The following GSE1 variants were observed in gnomAD, a reference collection of about 807,000 sequenced individuals.
GSE1 encodes the protein Gse1 coiled-coil protein.
GSE1 carries 32 observed loss-of-function variants against 112.6 expected under a neutral mutation model. That is an observed-to-expected ratio of 0.28 (90% CI 0.21 to 0.38). The LOEUF (loss-of-function observed/expected upper bound fraction) is 0.38, where lower values mean the gene tolerates loss of function less well. Among genes scored for constraint, GSE1 ranks in the 10% least tolerant of loss-of-function variants. The probability of loss-of-function intolerance (pLI) is 1.00; values close to 1 mark genes in which losing one functional copy is unlikely to be tolerated. For synonymous variants in GSE1, 1,115 were observed against 735.6 expected (o/e 1.52, Z -8.35); for missense variants, 2,348 against 1,699.2 (o/e 1.38, Z -6.71).
intron 2 of GSE1, among the ~76,000 whole-genome samples, chr16:85,480,751 T>C (rs1362924131): frequency 6.6e-6 from 1 of 152,180 alleles, no homozygotes; most frequent in Non-Finnish European, 1.5e-5. Flanking sequence ...TGGCCAGCAC[T>C]GTCGGTCAGG....
At chr16:85,657,722 C>G (rs1167889034) in intron 8 of GSE1, 118 bp downstream of exon 8, 2 of 657,434 alleles carry the variant, frequency 3.0e-6, no homozygotes, top group South Asian at 2.3e-5. Flanking sequence ...CTGCCTCTTT[C>G]ATTTCTGTTC....
intron 2 of GSE1, among the ~76,000 whole-genome samples, chr16:85,529,172 C>T (rs543912540): frequency 2.6e-5 from 4 of 151,690 alleles, no homozygotes; most frequent in Non-Finnish European, 4.4e-5. Flanking sequence ...GGTGGTTAAT[C>T]GTGTGTGGGA....
chr16:85,634,763 CTG>C (rs758547536), intron 2 of GSE1, among the ~76,000 whole-genome samples: 1 of 152,194 alleles, frequency 6.6e-6, no homozygotes, highest in Non-Finnish European at 1.5e-5. Context: ...TTTTTCCTGT[CTG>C]TGCAGTGAGG....
chr16:85,177,773 C>G (rs116835292), intron 1 of GSE1, among the ~76,000 whole-genome samples: 248 of 152,232 alleles, frequency 1.6e-3, no homozygotes, highest in African/African-American at 5.2e-3. Flanking sequence ...GACCCCAAAA[C>G]GCCATGGGGT....
chr16:85,522,851 G>A (rs894400425), intron 2 of GSE1, among the ~76,000 whole-genome samples: 1 of 152,096 alleles, frequency 6.6e-6, no homozygotes, highest in African/African-American at 2.4e-5. Context: ...TTGTGTATGG[G>A]TGTGTGTTGT....
chr16:85,449,842 GACA>G (rs1395751543), intron 2 of GSE1, among the ~76,000 whole-genome samples: 1 of 152,324 alleles, frequency 6.6e-6, no homozygotes, highest in African/African-American at 2.4e-5. Flanking sequence ...ATCTGATGAT[GACA>G]ACAATAATCA....
chr16:85,665,064 G>A lies in GSE1; in HGVS notation c.2694G>A (p.Leu898=), dbSNP rs371227202. ...EMLRAMKQKA[L]SAAVADSLTN... is the part of the protein sequence containing the mutation. ...TCCGTGCCATGAAGCAGAAGGCACT[G>A]TCAGCAGCAGTGGCCGACTCCTTGA... is the stretch of plus-strand genomic sequence containing the variant. The change falls in exon 12 of 16, where the codon CTG becomes CTA. Residue 898 remains leucine, a synonymous_variant. Coordinates refer to ENST00000253458, the MANE Select transcript of GSE1 (RefSeq NM_014615.5). 2 of 1,612,974 alleles carry A rather than the reference G, an allele frequency of 1.2e-6. No individual in the cohort carries two copies. The highest frequency in any genetic ancestry group is 2.7e-5 in the African/African-American group (2 of 74,918).
Position 85,648,632 on chromosome 16 carries a change from G to A in GSE1, c.307G>A (p.Val103Met), listed in dbSNP as rs766630200. 3.7e-5 allele frequency: 60 copies of A among 1,603,912 alleles called. No homozygotes were observed. The Middle Eastern group carries it at 5.0e-4, about 13-fold the overall frequency. ...CTCCCCCGCCAGCACACCCAAGCGCGTGCCCATGGGCCCTATCATCGTCCC... is the reference window on the plus strand; with the variant it reads ...CTCCCCCGCCAGCACACCCAAGCGCATGCCCATGGGCCCTATCATCGTCCC... ...HSSPASTPKRVPMGPIIVPPG... is the reference protein window; with the variant it reads ...HSSPASTPKRMPMGPIIVPPG... The change falls in exon 3 of 16, where the codon GTG becomes ATG. Residue 103 changes from valine (V) to methionine (M), a missense_variant. Physicochemically the swap from Val to Met is conservative, Grantham distance 21. Coordinates refer to ENST00000253458, the MANE Select transcript of GSE1 (RefSeq NM_014615.5).
intron 1 of GSE1, among the ~76,000 whole-genome samples, chr16:85,628,088 G>T (rs534320013): frequency 6.6e-6 from 1 of 152,212 alleles, no homozygotes; most frequent in Non-Finnish European, 1.5e-5. Context: ...GGCCCAGGGG[G>T]ACCCCTCCAA....
At chr16:85,479,238 T>G (rs2050598240) in intron 2 of GSE1, among the ~76,000 whole-genome samples, 1 of 142,900 alleles carries the variant, frequency 7.0e-6, no homozygotes, top group African/African-American at 2.7e-5. Flanking sequence ...TTCACCGTGT[T>G]AGCCAGGATG....
chr16:85,469,890 AG>A, intron 2 of GSE1, among the ~76,000 whole-genome samples: 1 of 152,368 alleles, frequency 6.6e-6, no homozygotes, highest in East Asian at 1.9e-4. Context: ...AGGGGGAGCC[AG>A]GGCCCTTGGC....
chr16:85,609,462 A>T (rs1329474784), upstream of GSE1, among the ~76,000 whole-genome samples: 1 of 152,188 alleles, frequency 6.6e-6, no homozygotes, highest in Non-Finnish European at 1.5e-5. Flanking sequence ...GTTTCTGGAA[A>T]ACCAAGTGTG....
intron 1 of GSE1, among the ~76,000 whole-genome samples, chr16:85,265,262 C>T (rs1038190208): frequency 1.3e-5 from 2 of 152,166 alleles, no homozygotes; most frequent in South Asian, 2.1e-4. Flanking sequence ...AAAGGGAGAG[C>T]TTGTCACCAA....
intron 2 of GSE1, among the ~76,000 whole-genome samples, chr16:85,480,319 C>G (rs529328642): frequency 2.0e-4 from 31 of 152,122 alleles, no homozygotes; most frequent in African/African-American, 7.5e-4. Context: ...TGAGGCGGGA[C>G]TGGGAGTTTT....
intron 2 of GSE1, among the ~76,000 whole-genome samples, chr16:85,477,887 AT>A (rs1043014768): frequency 6.6e-6 from 1 of 152,058 alleles, no homozygotes; most frequent in Non-Finnish European, 1.5e-5. Flanking sequence ...AAACAGCTTT[AT>A]TGAGATGAAG....
In GSE1 at chr16:85,634,071, G is replaced by A. The variant is rs200574628; in HGVS notation, c.165G>A (p.Ala55=). ...GCAGCGCGCTGTCGGCCCAGGCCGCGCCATCCTCCAGCTTTGCCGCCGCGC... is the reference window on the plus strand; with the variant it reads ...GCAGCGCGCTGTCGGCCCAGGCCGCACCATCCTCCAGCTTTGCCGCCGCGC... ...ATSSALSAQA[A]PSSSFAAALR... The change falls in exon 2 of 16, where the codon GCG becomes GCA. Residue 55 remains alanine, a synonymous_variant. Transcript: ENST00000253458. The A allele has an allele frequency of 6.6e-4, 1,062 of 1,604,890 alleles. No individual in the cohort carries two copies. Among genetic ancestry groups the A allele is most frequent in the Non-Finnish European group, 8.4e-4 (983 of 1,176,380 alleles).
intron 1 of GSE1, among the ~76,000 whole-genome samples, chr16:85,253,069 A>ACCCCCCCCCC (rs56691935): frequency 3.5e-5 from 2 of 57,816 alleles, no homozygotes; most frequent in Non-Finnish European, 6.6e-5. Flanking sequence ...CCCCCCCCCC[A>ACCCCCCCCCC]CCCCCCCCCC....
chr16:85,472,198 G>A (rs1250162484), intron 2 of GSE1, among the ~76,000 whole-genome samples: 2 of 152,210 alleles, frequency 1.3e-5, no homozygotes, highest in African/African-American at 4.8e-5. Flanking sequence ...TCCTGGGGCT[G>A]CCATGATAAA....
intron 1 of GSE1, chr16:85,592,980 G>C (rs1387550861): frequency 2.0e-5 from 3 of 152,516 alleles, no homozygotes; most frequent in East Asian, 1.9e-4. Flanking sequence ...TGTTCAGCCA[G>C]CTCTGGGAGA....
Sources: gnomAD v4.1 joint callset for allele counts (sites outside exome capture counted in the v4.1 genomes callset) on GRCh38, gnomAD v4.1.1 for gene constraint, MANE v1.5 for transcripts, NCBI Gene and HGNC (gene_info 2026-07-23, HGNC 2026-07-21) for gene names.